RAB10: variants seen among roughly 807,000 people sequenced by gnomAD.
RAB10 encodes the protein RAB10, member RAS oncogene family, also known as ras-related protein Rab-10.
Under a neutral mutation model 25.7 loss-of-function variants are expected in RAB10, and 5 were observed. The ratio of observed to expected loss-of-function variants is 0.19; its 90% CI spans 0.10 to 0.41. The LOEUF (loss-of-function observed/expected upper bound fraction) is 0.41. Among genes scored for constraint, RAB10 ranks in the 10% least tolerant of loss-of-function variants. RAB10 has a pLI of 1.00. For synonymous variants in RAB10, 89 were observed against 86.4 expected, an observed-to-expected ratio of 1.03 and a Z score of -0.16; for missense variants, 103 against 245.8, an observed-to-expected ratio of 0.42 and a Z score of 3.89.
At chr2:26,054,655 C>T (rs1366678807) in intron 1 of RAB10, among the ~76,000 whole-genome samples, 1 of 152,160 alleles carries the variant, frequency 6.6e-6, no homozygotes, top group East Asian at 1.9e-4. Flanking sequence ...ATTTTTAAAA[C>T]TTTTTCGTTA....
chr2:26,092,321 G>T (rs148662764), intron 1 of RAB10, among the ~76,000 whole-genome samples: 119 of 67,186 alleles, frequency 1.8e-3, no homozygotes, highest in Non-Finnish European at 2.5e-3. Context: ...GTGTGTGTGT[G>T]TTGGGGTGGT....
chr2:26,081,517 G>A (rs1489706229), intron 1 of RAB10, among the ~76,000 whole-genome samples: 5 of 152,198 alleles, frequency 3.3e-5, no homozygotes, highest in Admixed American at 6.5e-5. Flanking sequence ...ACAGCTAAAT[G>A]CAATGTGGGA....
intron 3 of RAB10, among the ~76,000 whole-genome samples, chr2:26,120,707 A>G (rs764550520): frequency 6.6e-6 from 1 of 151,396 alleles, no homozygotes; most frequent in Admixed American, 6.6e-5. Context: ...CTCCTGCCTC[A>G]GCCTCCTGAG....
chr2:26,087,420 A>G (rs1461531364), intron 1 of RAB10, among the ~76,000 whole-genome samples: 1 of 152,122 alleles, frequency 6.6e-6, no homozygotes, highest in African/African-American at 2.4e-5. Flanking sequence ...TACTATTATT[A>G]TGACGAATTT....
At chr2:26,098,552 C>CA in intron 1 of RAB10, 110 bp from the exon 2 acceptor site, 2 of 786,504 alleles carry the variant, frequency 2.5e-6, no homozygotes, top group Non-Finnish European at 4.2e-6. Context: ...TATCTGGAAT[C>CA]AAACAAACAC....
intron 2 of RAB10, among the ~76,000 whole-genome samples, chr2:26,107,745 G>A (rs1227914260): frequency 2.0e-5 from 3 of 151,476 alleles, no homozygotes; most frequent in Non-Finnish European, 2.9e-5. Flanking sequence ...GCAGTGAGCC[G>A]AGACTGTGCC....
intron 3 of RAB10, among the ~76,000 whole-genome samples, chr2:26,112,937 C>T (rs527515909): frequency 6.6e-6 from 1 of 152,034 alleles, no homozygotes; most frequent in South Asian, 2.1e-4. Context: ...AAAAAATTAG[C>T]CGGGCATGAT....
At chr2:26,071,366 T>A (rs13383889) in intron 1 of RAB10, among the ~76,000 whole-genome samples, 4,294 of 152,268 alleles carry the variant, frequency 0.028, 209 homozygotes, top group African/African-American at 0.099. Context: ...ACAGTATTTG[T>A]TGCCACTGAT....
intron 2 of RAB10, among the ~76,000 whole-genome samples, chr2:26,100,482 A>G (rs986345328): frequency 6.6e-5 from 10 of 152,222 alleles, no homozygotes; most frequent in African/African-American, 2.2e-4. Flanking sequence ...ACATTATAAA[A>G]AAGAAGTGAT....
rs1427890633 is a variant in RAB10 at position 26,134,998 on chromosome 2, G to A, written c.580G>A (p.Gly194Ser). 6.2e-7 allele frequency: 1 copy of A among 1,613,446 alleles called. No homozygotes were observed. The highest frequency in any genetic ancestry group is 1.3e-5 in the African/African-American group (1 of 74,892). The change falls in exon 6 of 6, where the codon GGC becomes AGC. Residue 194 changes from glycine to serine, a missense_variant. This residue lies in a region of RAB10 where 24 missense variants were observed against 28.0 expected (regional missense o/e 0.86). Transcript: ENST00000264710. ...VDISSGGGVTGWKSKCC is the reference protein window; with the variant it reads ...VDISSGGGVTSWKSKCC ...TATCAGCAGTGGAGGAGGCGTGACA[G>A]GCTGGAAGAGCAAATGCTGCTGAGC...
intron 1 of RAB10, among the ~76,000 whole-genome samples, chr2:26,079,940 G>C (rs1349150596): frequency 6.6e-6 from 1 of 152,210 alleles, no homozygotes; most frequent in Non-Finnish European, 1.5e-5. Context: ...GATTATAGAT[G>C]TGAGCCACTG....
intron 1 of RAB10, among the ~76,000 whole-genome samples, chr2:26,040,243 C>T (rs1665855290): frequency 1.3e-5 from 2 of 152,182 alleles, no homozygotes; most frequent in Non-Finnish European, 2.9e-5. Flanking sequence ...CCTCGAACTC[C>T]TGGGCTTAAG....
chr2:26,078,249 C>G (rs1666781908), intron 1 of RAB10, among the ~76,000 whole-genome samples: 1 of 152,160 alleles, frequency 6.6e-6, no homozygotes, highest in African/African-American at 2.4e-5. Context: ...GATGGCCATG[C>G]TACCCAAATT....
At chr2:26,072,778 C>T (rs572841947) in intron 1 of RAB10, among the ~76,000 whole-genome samples, 1 of 152,206 alleles carries the variant, frequency 6.6e-6, no homozygotes, top group Admixed American at 6.5e-5. Flanking sequence ...TTAAGCTAAA[C>T]ATTAAAGTTG....
chr2:26,040,945 A>G (rs944132102), intron 1 of RAB10, among the ~76,000 whole-genome samples: 1 of 152,190 alleles, frequency 6.6e-6, no homozygotes, highest in Non-Finnish European at 1.5e-5. Context: ...GACTGCTGCA[A>G]AAAACAAATT....
At chr2:26,070,184 T>G (rs1190704256) in intron 1 of RAB10, among the ~76,000 whole-genome samples, 3 of 152,232 alleles carry the variant, frequency 2.0e-5, no homozygotes, top group East Asian at 1.9e-4. Context: ...GGATGTGGCC[T>G]TCTTGGCCTC....
chr2:26,098,441 A>G, intron 1 of RAB10: 2 of 471,528 alleles, frequency 4.2e-6, no homozygotes, highest in Non-Finnish European at 7.5e-6. Context: ...GCCCAGCCCA[A>G]AACTTGGTCT....
chr2:26,127,262 G>T (rs1257059097), intron 4 of RAB10, 29 bp downstream of exon 4: 2 of 1,484,004 alleles, frequency 1.3e-6, no homozygotes, highest in East Asian at 2.4e-5. Flanking sequence ...CTGATACTCT[G>T]CTCTGTCTTT....
At chr2:26,037,568 G>T (rs905304909) in intron 1 of RAB10, among the ~76,000 whole-genome samples, 7 of 151,966 alleles carry the variant, frequency 4.6e-5, no homozygotes, top group Non-Finnish European at 7.4e-5. Flanking sequence ...GAACCCGGGA[G>T]ACAGAGGTTG....
Sources: gnomAD v4.1 joint callset for allele counts (sites outside exome capture counted in the v4.1 genomes callset) on GRCh38, gnomAD v4.1.1 for gene constraint, gnomAD v4.1.1 regional missense constraint, MANE v1.5 for transcripts, NCBI Gene and HGNC (gene_info 2026-07-23, HGNC 2026-07-21) for gene names.